The following TLE1 variants were observed in gnomAD, a reference collection of about 807,000 sequenced individuals.
TLE1 encodes the protein transducin-like enhancer protein 1.
Under a neutral mutation model 89.8 loss-of-function variants are expected in TLE1, and 21 were observed. That is an observed-to-expected ratio of 0.23 (90% CI 0.17 to 0.34). The LOEUF (loss-of-function observed/expected upper bound fraction) is 0.34. Ranked by LOEUF, TLE1 falls within the 10% of genes least tolerant of loss-of-function variation. TLE1 has a pLI of 1.00. For synonymous variants in TLE1, 447 were observed against 407.6 expected (o/e 1.10, Z -1.16); for missense variants, 795 against 1,031.2 (o/e 0.77, Z 3.14).
intron 4 of TLE1, among the ~76,000 whole-genome samples, chr9:81,673,272 TAAAAAAAAAAAA>T (rs5898756): frequency 1.0e-5 from 1 of 97,998 alleles, no homozygotes; most frequent in African/African-American, 4.0e-5. Flanking sequence ...AGACTTCATT[TAAAAAAAAAAAA>T]AAAAAAAAAA....
chr9:81,610,180 AC>A, intron 14 of TLE1, 39 bp downstream of exon 14: 1 of 1,565,884 alleles, frequency 6.4e-7, no homozygotes, highest in Non-Finnish European at 8.8e-7. Flanking sequence ...TGACTGAGTA[AC>A]CACCTTTAAA....
chr9:81,623,445 A>C (rs117936182), intron 8 of TLE1, among the ~76,000 whole-genome samples: 1 of 152,196 alleles, frequency 6.6e-6, no homozygotes, highest in East Asian at 1.9e-4. Context: ...ACCATTTGCA[A>C]AAGAATGAAA....
intron 4 of TLE1, among the ~76,000 whole-genome samples, chr9:81,683,049 C>T (rs186040942): frequency 1.8e-4 from 27 of 152,282 alleles, no homozygotes; most frequent in African/African-American, 6.0e-4. Flanking sequence ...TTTGGATGCA[C>T]TTTCACTTTA....
chr9:81,668,150 A>G (rs367652693), intron 4 of TLE1, among the ~76,000 whole-genome samples: 2 of 146,470 alleles, frequency 1.4e-5, no homozygotes, highest in South Asian at 4.4e-4. Context: ...CCTGGGCGAC[A>G]GAACAAGACT....
At chr9:81,677,225 G>A (rs1279950014) in intron 4 of TLE1, among the ~76,000 whole-genome samples, 5 of 149,378 alleles carry the variant, frequency 3.3e-5, no homozygotes, top group Non-Finnish European at 5.9e-5. Context: ...GAGACAGAAC[G>A]AGACTCGTCT....
chr9:81,585,094 A>G (rs1828193452), intron 18 of TLE1, among the ~76,000 whole-genome samples: 1 of 152,162 alleles, frequency 6.6e-6, no homozygotes, highest in Non-Finnish European at 1.5e-5. Flanking sequence ...ACTGTAGAGT[A>G]GAGTGTAACT....
intron 6 of TLE1, among the ~76,000 whole-genome samples, chr9:81,645,366 CA>C (rs59412201): frequency 0.25 from 35,992 of 141,404 alleles, 4,440 homozygotes; most frequent in Non-Finnish European, 0.29. Context: ...ACTCCGTCTC[CA>C]AAAAAAAAAA....
intron 4 of TLE1, among the ~76,000 whole-genome samples, chr9:81,678,416 C>T (rs1266295047): frequency 6.6e-6 from 1 of 152,074 alleles, no homozygotes; most frequent in African/African-American, 2.4e-5. Context: ...GATAGGGTCT[C>T]GCTATGTTGG....
At chr9:81,681,320 C>T (rs1291221868) in intron 4 of TLE1, among the ~76,000 whole-genome samples, 2 of 152,042 alleles carry the variant, frequency 1.3e-5, no homozygotes, top group African/African-American at 4.8e-5. Context: ...GAAGCCGAGG[C>T]GGGGGGAATC....
At chr9:81,591,754 A>G (rs527778448) in intron 15 of TLE1, among the ~76,000 whole-genome samples, 88 of 152,352 alleles carry the variant, frequency 5.8e-4, no homozygotes, top group Non-Finnish European at 1.1e-3. Flanking sequence ...TCCTACTGCT[A>G]TAGAATATTG....
chr9:81,630,352 T>G (rs1225277806), intron 8 of TLE1, among the ~76,000 whole-genome samples: 1 of 152,174 alleles, frequency 6.6e-6, no homozygotes. Context: ...TTCAAGACAT[T>G]TGTAGACATA....
intron 8 of TLE1, among the ~76,000 whole-genome samples, chr9:81,622,053 G>T (rs968081534): frequency 3.9e-5 from 6 of 152,254 alleles, no homozygotes; most frequent in South Asian, 2.1e-4. Flanking sequence ...ATACATGTCC[G>T]CTAAAAGCTA....
chr9:81,609,404 G>GT (rs1174971329), intron 14 of TLE1, among the ~76,000 whole-genome samples: 6 of 152,162 alleles, frequency 3.9e-5, no homozygotes, highest in African/African-American at 1.4e-4. Flanking sequence ...TTCTATCTTA[G>GT]GAGAAGGCAG....
rs139285051 is a variant in TLE1, at chr9:81,667,962, G to A, written c.235-13926C>T. ...GTGGATTGCCTGAGGCCAAGAGTTCGAGATCAGCCTGGCCAACATGGTGAA... is the reference window on the plus strand; with the variant it reads ...GTGGATTGCCTGAGGCCAAGAGTTCAAGATCAGCCTGGCCAACATGGTGAA... On this transcript the variant is annotated intron_variant, in intron 4 of 19. Transcript: ENST00000376499. Among the ~76,000 whole-genome samples, 423 of 152,206 alleles carry A rather than the reference G, an allele frequency of 2.8e-3. 5 individuals carry two copies. Among genetic ancestry groups the A allele is most frequent in the African/African-American group, 9.5e-3 (395 of 41,526 alleles).
At chr9:81,653,498 C>A (rs897115470) in intron 5 of TLE1, among the ~76,000 whole-genome samples, 2 of 152,168 alleles carry the variant, frequency 1.3e-5, no homozygotes, top group Admixed American at 1.3e-4. Context: ...ACATATGACT[C>A]ATTAAGTTAA....
chr9:81,613,961 G>A (rs113044458), intron 11 of TLE1, among the ~76,000 whole-genome samples: 22,559 of 145,096 alleles, frequency 0.16, 1,800 homozygotes, highest in Non-Finnish European at 0.17. Flanking sequence ...AAGCTGGAGT[G>A]CAGTGGCGCA....
intron 4 of TLE1, among the ~76,000 whole-genome samples, chr9:81,681,271 C>T (rs1166281860): frequency 6.6e-6 from 1 of 152,128 alleles, no homozygotes; most frequent in Non-Finnish European, 1.5e-5. Flanking sequence ...CACCATCGGC[C>T]GGGCACAGTG....
chr9:81,606,681 C>T (rs1394469159), intron 14 of TLE1, among the ~76,000 whole-genome samples: 4 of 151,768 alleles, frequency 2.6e-5, no homozygotes, highest in Non-Finnish European at 4.4e-5. Context: ...ATGTAAATAA[C>T]GAGTTGATGG....
chr9:81,681,790 A>G (rs894459636), intron 4 of TLE1, among the ~76,000 whole-genome samples: 1 of 152,200 alleles, frequency 6.6e-6, no homozygotes, highest in African/African-American at 2.4e-5. Flanking sequence ...AAGACCAGTC[A>G]GCGGCACTGC....
Sources: allele counts gnomAD v4.1 joint callset (sites outside exome capture counted in the v4.1 genomes callset), GRCh38; gene constraint gnomAD v4.1.1; transcripts MANE v1.5; gene names NCBI Gene and HGNC (gene_info 2026-07-23, HGNC 2026-07-21).